Variants in SEMA3C observed in about 807,000 individuals in gnomAD.
SEMA3C encodes semaphorin-3C.
Under a neutral mutation model 89.4 loss-of-function variants are expected in SEMA3C, and 47 were observed. The ratio of observed to expected loss-of-function variants is 0.53; its 90% CI spans 0.42 to 0.67. The LOEUF (loss-of-function observed/expected upper bound fraction) is 0.67, where lower values mean the gene tolerates loss of function less well. Among genes scored for constraint, SEMA3C ranks in the 30% least tolerant of loss-of-function variants. SEMA3C has a pLI of 0.00. For missense variants in SEMA3C, 839 were observed against 929.1 expected (o/e 0.90, Z 1.26); for synonymous variants, 310 against 320.2 (o/e 0.97, Z 0.34).
At position 80,765,179 on chromosome 7, in the gene SEMA3C, A is replaced by T; in HGVS notation, c.1419T>A (p.Ile473=). The T allele has an allele frequency of 6.2e-7, 1 of 1,613,594 alleles. No homozygotes were observed. The highest frequency in any genetic ancestry group is 8.5e-7 in the Non-Finnish European group (1 of 1,179,680). The part of the protein sequence containing the change: ...PTNNSVSGEL[I]LEELEVFKNH... Reference sequence around the variant, plus strand: ...CCTTAAAGACTTCCAGCTCCTCCAGAATGAGCTCGCCACTGACAGAGTTGT... The same window carrying T: ...CCTTAAAGACTTCCAGCTCCTCCAGTATGAGCTCGCCACTGACAGAGTTGT... Residue 473 remains isoleucine, a synonymous_variant, in exon 13 of 18, where the codon ATT becomes ATA. Transcript: ENST00000265361.
chr7:80,879,744 T>C (rs1361988321), intron 2 of SEMA3C, among the ~76,000 whole-genome samples: 1 of 152,198 alleles, frequency 6.6e-6, no homozygotes, highest in Non-Finnish European at 1.5e-5. Flanking sequence ...AGGTAATATA[T>C]AACTAAAGTT....
At chr7:80,852,507 C>T (rs986536146) in intron 2 of SEMA3C, among the ~76,000 whole-genome samples, 9 of 151,886 alleles carry the variant, frequency 5.9e-5, no homozygotes, top group African/African-American at 1.5e-4. Context: ...AGTTTCTGCA[C>T]GCAAAGGAAA....
At chr7:80,877,492 TA>T (rs1285551647) in intron 2 of SEMA3C, among the ~76,000 whole-genome samples, 3 of 152,226 alleles carry the variant, frequency 2.0e-5, no homozygotes, top group Non-Finnish European at 4.4e-5. Context: ...CTGTAAAGAT[TA>T]ATCTCAAGTG....
At chr7:80,790,555 C>G (rs1283715147) in intron 11 of SEMA3C, among the ~76,000 whole-genome samples, 1 of 152,144 alleles carries the variant, frequency 6.6e-6, no homozygotes, top group Non-Finnish European at 1.5e-5. Context: ...GCTCCTGAGC[C>G]TCAAGCATAC....
upstream of SEMA3C, chr7:80,919,299 G>A (rs1434369919): frequency 2.0e-6 from 2 of 983,914 alleles, no homozygotes; most frequent in East Asian, 2.3e-4. Context: ...ACGCAAGAAT[G>A]CGCGGCCGCA....
chr7:80,874,926 C>T (rs1025470657), intron 2 of SEMA3C, among the ~76,000 whole-genome samples: 1 of 151,846 alleles, frequency 6.6e-6, no homozygotes, highest in Non-Finnish European at 1.5e-5. Flanking sequence ...AGTAAAAATA[C>T]AAAAATTAGC....
intron 11 of SEMA3C, among the ~76,000 whole-genome samples, chr7:80,791,658 G>A (rs1034872292): frequency 2.6e-4 from 39 of 152,116 alleles, no homozygotes; most frequent in African/African-American, 8.4e-4. Flanking sequence ...TAAAATCCTC[G>A]TGCTTCCAGA....
intron 5 of SEMA3C, among the ~76,000 whole-genome samples, chr7:80,813,729 G>A (rs1789528446): frequency 6.6e-6 from 1 of 152,036 alleles, no homozygotes; most frequent in Non-Finnish European, 1.5e-5. Flanking sequence ...GAGGCTTTAT[G>A]CCATTATTTA....
At chr7:80,788,239 T>G (rs1198869036) in intron 12 of SEMA3C, among the ~76,000 whole-genome samples, 1 of 152,204 alleles carries the variant, frequency 6.6e-6, no homozygotes, top group African/African-American at 2.4e-5. Flanking sequence ...ATAAACTACC[T>G]AATTTCATAA....
chr7:80,804,087 G>C lies in SEMA3C; in HGVS notation c.801+19C>G. 1 of 1,579,006 alleles carries C rather than the reference G, an allele frequency of 6.3e-7. No individual in the cohort carries two copies. Among genetic ancestry groups the C allele is most frequent in the Non-Finnish European group, 8.6e-7 (1 of 1,162,552 alleles). ...AATTTCTTGGTCTTTCTTCAAATCGGAACAGCATTAATACTTACAGGACAT... is the reference window on the plus strand; with the variant it reads ...AATTTCTTGGTCTTTCTTCAAATCGCAACAGCATTAATACTTACAGGACAT... On this transcript the variant is annotated intron_variant, in intron 8 of 17. Transcript: ENST00000265361.
Position 80,916,813 on chromosome 7 carries a change from A to G in SEMA3C, c.-32T>C. On this transcript the variant is annotated 5_prime_UTR_variant, in exon 2 of 18. Transcript: ENST00000265361. ...AGATATGCAAGTTAATATCCAAGGG[A>G]AAATACCTTTAAGAGAGAGACAACA... 6.2e-7 allele frequency: 1 copy of G among 1,611,034 alleles called. No individual in the cohort carries two copies. Among genetic ancestry groups the G allele is most frequent in the East Asian group, 2.2e-5 (1 of 44,776 alleles).
intron 2 of SEMA3C, among the ~76,000 whole-genome samples, chr7:80,908,316 T>C (rs1246201303): frequency 1.3e-5 from 2 of 152,172 alleles, no homozygotes; most frequent in Admixed American, 1.3e-4. Flanking sequence ...ATTTCAGCGA[T>C]GAATGAAGTG....
intron 2 of SEMA3C, among the ~76,000 whole-genome samples, chr7:80,911,634 AAG>A (rs932605365): frequency 3.3e-5 from 5 of 150,048 alleles, no homozygotes; most frequent in Admixed American, 2.6e-4. Context: ...TTTTTTTTGA[AAG>A]AGAGTCTCAC....
intron 14 of SEMA3C, among the ~76,000 whole-genome samples, 180 bp downstream of exon 14, chr7:80,761,436 T>A (rs1788180332): frequency 6.6e-6 from 1 of 152,218 alleles, no homozygotes; most frequent in Non-Finnish European, 1.5e-5. Context: ...ACCTATTCGG[T>A]CTTTCACTAA....
At chr7:80,877,372 A>G (rs1305405439) in intron 2 of SEMA3C, among the ~76,000 whole-genome samples, 1 of 152,192 alleles carries the variant, frequency 6.6e-6, no homozygotes, top group Non-Finnish European at 1.5e-5. Context: ...AATTCTTCAA[A>G]TTTGGAATGC....
At chr7:80,765,742 A>G (rs974070068) in intron 12 of SEMA3C, among the ~76,000 whole-genome samples, 1 of 151,878 alleles carries the variant, frequency 6.6e-6, no homozygotes, top group Non-Finnish European at 1.5e-5. Flanking sequence ...ACGCCTGGCT[A>G]ATTTTTTGTA....
At chr7:80,758,583 G>T in intron 14 of SEMA3C, 95 bp from the exon 15 acceptor site, 6 of 1,230,536 alleles carry the variant, frequency 4.9e-6, no homozygotes, top group South Asian at 2.5e-5. Context: ...CAAACCCTTG[G>T]ATTCATTTTG....
intron 12 of SEMA3C, 112 bp downstream of exon 12, chr7:80,789,194 G>C (rs541119568): frequency 1.2e-6 from 1 of 802,266 alleles, no homozygotes; most frequent in Admixed American, 2.5e-5. Context: ...GGGCTAGACA[G>C]ACGTAATTAT....
At chr7:80,788,198 T>C (rs1173659296) in intron 12 of SEMA3C, among the ~76,000 whole-genome samples, 1 of 152,234 alleles carries the variant, frequency 6.6e-6, no homozygotes, top group Non-Finnish European at 1.5e-5. Flanking sequence ...TATTTTATAA[T>C]GACTTTTACA....
Sources: allele counts gnomAD v4.1 joint callset (sites outside exome capture counted in the v4.1 genomes callset), GRCh38; gene constraint gnomAD v4.1.1; transcripts MANE v1.5; gene names NCBI Gene and HGNC (gene_info 2026-07-23, HGNC 2026-07-21).